Variants in MGAT3 observed in about 807,000 individuals in gnomAD.
MGAT3 encodes the protein beta-1,4-mannosyl-glycoprotein 4-beta-N-acetylglucosaminyltransferase.
MGAT3 carries 9 observed loss-of-function variants against 29.8 expected under a neutral mutation model. The ratio of observed to expected loss-of-function variants is 0.30; its 90% CI spans 0.18 to 0.53. MGAT3 has a LOEUF of 0.53. MGAT3 is among the 20% of genes least tolerant of loss of function. The probability of loss-of-function intolerance (pLI) is 0.96; values close to 1 mark genes in which losing one functional copy is unlikely to be tolerated. For missense variants in MGAT3, 557 were observed against 769.5 expected (o/e 0.72, Z 3.27); for synonymous variants, 397 against 348.9 (o/e 1.14, Z -1.54).
At position 39,488,452 on chromosome 22, in the gene MGAT3, A is replaced by G; in HGVS notation, c.1105A>G (p.Met369Val). ...LEVVSGCTVD[M>V]LQAVYGLDGI... is the part of the protein sequence containing the mutation. Reference sequence around the variant, plus strand: ...GGTGGTGTCAGGCTGCACGGTGGACATGCTGCAGGCAGTGTATGGGCTGGA... The same window carrying G: ...GGTGGTGTCAGGCTGCACGGTGGACGTGCTGCAGGCAGTGTATGGGCTGGA... The change falls in exon 2 of 2, where the codon ATG (methionine) becomes GTG (valine). Residue 369 changes from methionine (M) to valine (V), a missense_variant. Met to Val is a conservative substitution (Grantham distance 21). Transcript: ENST00000341184. 6.2e-7 allele frequency: 1 copy of G among 1,612,920 alleles called. No individual in the cohort carries two copies. Among genetic ancestry groups the G allele is most frequent in the South Asian group, 1.1e-5 (1 of 91,088 alleles).
At chr22:39,475,184 C>A (rs1386633493) in intron 1 of MGAT3, among the ~76,000 whole-genome samples, 2 of 143,868 alleles carry the variant, frequency 1.4e-5, no homozygotes, top group East Asian at 4.0e-4. Flanking sequence ...CAAAATCTTG[C>A]GAGGAGCTCA....
At position 39,488,803 on chromosome 22, in the gene MGAT3, T is replaced by C; in HGVS notation, c.1456T>C (p.Tyr486His). ...CAGCGAGCACATGTATGCGCCCAAG[T>C]ACCTGCTGAAGAACTACGACCGGTT... ...DPSEHMYAPK[Y>H]LLKNYDRFHY... Residue 486 changes from tyrosine (Y) to histidine (H), a missense_variant, in exon 2 of 2, where the codon TAC becomes CAC. This residue lies in a region of MGAT3 where 102 missense variants were observed against 97.0 expected (regional missense o/e 1.05). Transcript: ENST00000341184. The C allele has an allele frequency of 6.2e-7, 1 of 1,611,302 alleles. No individual in the cohort carries two copies. Among genetic ancestry groups the C allele is most frequent in the Non-Finnish European group, 8.5e-7 (1 of 1,178,840 alleles).
At chr22:39,460,761 C>T (rs956379746) in intron 1 of MGAT3, among the ~76,000 whole-genome samples, 5 of 152,144 alleles carry the variant, frequency 3.3e-5, no homozygotes, top group Non-Finnish European at 1.5e-5. Context: ...TGCGCCACTG[C>T]ACTCCAGCCT....
At chr22:39,485,544 A>G (rs1481297802) in intron 1 of MGAT3, among the ~76,000 whole-genome samples, 1 of 152,000 alleles carries the variant, frequency 6.6e-6, no homozygotes, top group African/African-American at 2.4e-5. Context: ...TAATCTCAGC[A>G]CTTTGGGAGG....
intron 1 of MGAT3, among the ~76,000 whole-genome samples, chr22:39,467,656 TTTTCG>T (rs550481738): frequency 4.0e-5 from 6 of 149,692 alleles, no homozygotes; most frequent in African/African-American, 1.3e-4. Flanking sequence ...TTTTCTTTTC[TTTTCG>T]TTTCGTTTCG....
intron 1 of MGAT3, among the ~76,000 whole-genome samples, chr22:39,473,114 C>T (rs1286993606): frequency 6.6e-6 from 1 of 152,162 alleles, no homozygotes; most frequent in Admixed American, 6.5e-5. Flanking sequence ...AGCTAAGATA[C>T]TGAGCACAGC....
chr22:39,487,103 G>C lies in MGAT3; in HGVS notation c.-1-244G>C, dbSNP rs1929295565. 6.6e-6 allele frequency among the ~76,000 whole-genome samples: 1 copy of C among 152,156 alleles called. No individual in the cohort carries two copies. Among genetic ancestry groups the C allele is most frequent in the African/African-American group, 2.4e-5 (1 of 41,432 alleles). ...GAGAAGCAGGCTGCAGAGGGGGCAGGGTGGTGGCCTGGGGATCTCAGGGAA... is the reference window on the plus strand; with the variant it reads ...GAGAAGCAGGCTGCAGAGGGGGCAGCGTGGTGGCCTGGGGATCTCAGGGAA... On this transcript the variant is annotated intron_variant, in intron 1 of 1. Transcript: ENST00000341184. This position sits in a 1 kb window ranked among gnomAD's most constrained non-coding sequence, Gnocchi z 5.7.
chr22:39,464,365 C>T (rs985510942), intron 1 of MGAT3, among the ~76,000 whole-genome samples: 1 of 151,966 alleles, frequency 6.6e-6, no homozygotes, highest in South Asian at 2.1e-4. Context: ...ATGGGTTGGG[C>T]CCCCGGGCTG....
Position 39,487,604 on chromosome 22 carries a change from C to T in MGAT3, c.257C>T (p.Pro86Leu), listed in dbSNP as rs773418990. ...TCGCCCCTGCTGCAGCCGCTGCCGC[C>T]CAGCAAGGCGGCCGAGGAGCTCCAC... ...SHSPLLQPLP[P>L]SKAAEELHRV... The change falls in exon 2 of 2, where the codon CCC becomes CTC. Residue 86 changes from proline (P) to leucine (L), a missense_variant. By Grantham distance (98) the Pro-to-Leu change is moderately conservative. Transcript: ENST00000341184. This position sits in a 1 kb window ranked among gnomAD's most constrained non-coding sequence, Gnocchi z 5.7. 1.2e-6 allele frequency: 2 copies of T among 1,611,598 alleles called. No individual in the cohort carries two copies. Among genetic ancestry groups the T allele is most frequent in the Admixed American group, 3.3e-5 (2 of 59,792 alleles).
intron 1 of MGAT3, among the ~76,000 whole-genome samples, chr22:39,486,803 AT>A (rs1291954890): frequency 1.3e-5 from 2 of 152,176 alleles, no homozygotes; most frequent in Non-Finnish European, 2.9e-5. Flanking sequence ...GCCTGGCCTA[AT>A]TTTATTCATT....
chr22:39,480,196 G>A (rs142758751), intron 1 of MGAT3, among the ~76,000 whole-genome samples: 150 of 152,310 alleles, frequency 9.8e-4, no homozygotes, highest in African/African-American at 3.4e-3. Flanking sequence ...GCAGGCATCT[G>A]AGAAATACTA....
chr22:39,474,866 G>A (rs1014551670), intron 1 of MGAT3, among the ~76,000 whole-genome samples: 4 of 152,148 alleles, frequency 2.6e-5, no homozygotes, highest in Admixed American at 6.5e-5. Context: ...CAGAGCCCTC[G>A]GGCCCTCCTG....
intron 1 of MGAT3, among the ~76,000 whole-genome samples, chr22:39,474,549 C>A (rs1270799604): frequency 6.6e-6 from 1 of 152,220 alleles, no homozygotes; most frequent in African/African-American, 2.4e-5. Context: ...CCTCTCACAG[C>A]CCCAAGCACC....
chr22:39,463,543 C>T (rs996728821), intron 1 of MGAT3, among the ~76,000 whole-genome samples: 1 of 152,186 alleles, frequency 6.6e-6, no homozygotes, highest in African/African-American at 2.4e-5. Flanking sequence ...ACCTGGGCGG[C>T]CTGCGTAAAG....
intron 1 of MGAT3, among the ~76,000 whole-genome samples, chr22:39,468,245 T>C (rs898803812): frequency 7.9e-5 from 12 of 152,178 alleles, no homozygotes; most frequent in Non-Finnish European, 1.6e-4. Context: ...GCCACCCTCC[T>C]GCCCAGGAGC....
In MGAT3 at chr22:39,474,188, G is replaced by T. The variant is rs537826233; in HGVS notation, c.-1-13159G>T. ...TGGCCTTGCAGTGTGCCACCGGGGT[G>T]CTCACATGGTTTCAGGCTGGTGAGG... is the stretch of plus-strand genomic sequence containing the variant. On this transcript the variant is annotated intron_variant, in intron 1 of 1. Transcript: ENST00000341184. 3.0e-4 allele frequency among the ~76,000 whole-genome samples: 46 copies of T among 152,252 alleles called. No homozygotes were observed. The Middle Eastern group carries it at 0.017, about 56-fold the overall frequency.
rs1929327367 is a variant in MGAT3 at position 39,487,826 on chromosome 22, G to A, written c.479G>A (p.Gly160Glu). The change falls in exon 2 of 2, where the codon GGG (glycine) becomes GAG (glutamate). Residue 160 changes from glycine to glutamate, a missense_variant. Physicochemically the swap from Gly to Glu is moderately conservative, Grantham distance 98. Around this residue, in one of 3 missense-constraint regions of MGAT3, gnomAD observed 212 missense variants for 228.5 expected, o/e 0.93. Transcript: ENST00000341184. The surrounding 1 kb of genome is among the most constrained non-coding windows in gnomAD (Gnocchi z 5.7). ...CTCCTGAGCGCCCGGGAGCGCACGGGGGGCCGAGGCGCCCGGCGCAAGTGG... is the reference window on the plus strand; with the variant it reads ...CTCCTGAGCGCCCGGGAGCGCACGGAGGGCCGAGGCGCCCGGCGCAAGTGG... ...RYLLSARERT[G>E]GRGARRKWVE... The A allele has an allele frequency of 2.0e-6, 3 of 1,503,520 alleles. No homozygotes were observed. The highest frequency in any genetic ancestry group is 2.4e-5 in the East Asian group (1 of 41,642). 93.1% of individuals were successfully genotyped at this position (1,503,520 alleles called of 1,614,324 possible). A position where few individuals can be genotyped will look rare whatever the true frequency, so the allele number is the denominator to read the frequency against.
intron 1 of MGAT3, among the ~76,000 whole-genome samples, chr22:39,471,512 C>A (rs879453704): frequency 6.6e-6 from 1 of 152,116 alleles, no homozygotes; most frequent in African/African-American, 2.4e-5. Context: ...ACTGCCCTCA[C>A]CCCACTCCAA....
intron 1 of MGAT3, among the ~76,000 whole-genome samples, chr22:39,485,394 G>T (rs1001040822): frequency 6.6e-6 from 1 of 152,212 alleles, no homozygotes; most frequent in Non-Finnish European, 1.5e-5. Flanking sequence ...TGTGACAAAT[G>T]TACCATGGTG....
Sources: gnomAD v4.1 joint callset for allele counts (sites outside exome capture counted in the v4.1 genomes callset) on GRCh38, gnomAD v4.1.1 for gene constraint, gnomAD v4.1.1 regional missense constraint, Gnocchi (gnomAD v3.1) non-coding constraint, MANE v1.5 for transcripts, NCBI Gene and HGNC (gene_info 2026-07-23, HGNC 2026-07-21) for gene names.